The following FAM184B variants were observed in gnomAD, a reference collection of about 807,000 sequenced individuals.
FAM184B encodes the protein family with sequence similarity 184 member B.
A neutral mutation model predicts 135.9 loss-of-function variants in FAM184B; 111 were observed. That is an observed-to-expected ratio of 0.82 (90% CI 0.70 to 0.96). The LOEUF (loss-of-function observed/expected upper bound fraction) is 0.96. FAM184B is among the 40% of genes least tolerant of loss of function. The probability of loss-of-function intolerance (pLI) is 0.00; values close to 1 mark genes in which losing one functional copy is unlikely to be tolerated. For synonymous variants in FAM184B, 552 were observed against 524.8 expected (o/e 1.05, Z -0.71); for missense variants, 1,375 against 1,323.9 (o/e 1.04, Z -0.60).
chr4:17,781,097 A>T lies in FAM184B; in HGVS notation c.141+62T>A. ...CGGGCCTCCCGGGAGGCGCATCCGCACTGACTCCCGGCTCGGGCGCCCCGG... is the reference window on the plus strand; with the variant it reads ...CGGGCCTCCCGGGAGGCGCATCCGCTCTGACTCCCGGCTCGGGCGCCCCGG... On this transcript the variant is annotated intron_variant, in intron 1 of 17. Transcript: ENST00000265018. The surrounding 1 kb of genome is among the most constrained non-coding windows in gnomAD (Gnocchi z 6.5). 1 of 1,474,012 alleles carries T rather than the reference A, an allele frequency of 6.8e-7. No homozygotes were observed. The highest frequency in any genetic ancestry group is 9.0e-7 in the Non-Finnish European group (1 of 1,108,596). 91.3% of individuals were successfully genotyped at this position (1,474,012 alleles called of 1,614,324 possible).
intron 1 of FAM184B, among the ~76,000 whole-genome samples, chr4:17,726,927 T>C (rs1338961361): frequency 6.6e-6 from 1 of 152,168 alleles, no homozygotes; most frequent in East Asian, 1.9e-4. Flanking sequence ...TGGGATAGAA[T>C]ATTCTGATTG....
intron 1 of FAM184B, among the ~76,000 whole-genome samples, chr4:17,747,803 C>T (rs1470414767): frequency 1.3e-5 from 2 of 151,526 alleles, no homozygotes; most frequent in Non-Finnish European, 2.9e-5. Flanking sequence ...CGCCTGTAGT[C>T]CCAGCTACTC....
At position 17,709,362 on chromosome 4, in the gene FAM184B, C is replaced by G; in HGVS notation, c.424G>C (p.Glu142Gln). 1 of 1,545,616 alleles carries G rather than the reference C, an allele frequency of 6.5e-7. No individual in the cohort carries two copies. Among genetic ancestry groups the G allele is most frequent in the Non-Finnish European group, 8.7e-7 (1 of 1,143,044 alleles). Residue 142 changes from glutamate to glutamine, a missense_variant, in exon 2 of 18, where the codon GAG becomes CAG. Transcript: ENST00000265018. ...RELRVEAEHA[E>Q]RVLTLSREML... Reference sequence around the variant, plus strand: ...TCCCTGGAGAGCGTGAGGACTCGCTCGGCGTGCTCTGCCTCCACCCTCAGC... The same window carrying G: ...TCCCTGGAGAGCGTGAGGACTCGCTGGGCGTGCTCTGCCTCCACCCTCAGC...
In FAM184B at chr4:17,707,895, C is replaced by T; in HGVS notation, c.895-111G>A. 4.0e-6 allele frequency: 5 copies of T among 1,261,166 alleles called. No individual in the cohort carries two copies. In the South Asian group the frequency reaches 7.7e-5, roughly 19 times the overall value. The allele number at this position is 1,261,166 out of a possible 1,614,324, so 78.1% of individuals were successfully genotyped here. On this transcript the variant is annotated intron_variant, in intron 2 of 17. Transcript: ENST00000265018. ...AAGGCGGGTATATGCACAGCAGAAGCCCTGAGTCAGTGGAATTCAGTGGCC... is the reference window on the plus strand; with the variant it reads ...AAGGCGGGTATATGCACAGCAGAAGTCCTGAGTCAGTGGAATTCAGTGGCC...
Position 17,642,207 on chromosome 4 carries a change from C to T in FAM184B, c.2368G>A (p.Ala790Thr), listed in dbSNP as rs1413846447. ...ATEERGGPGQ[A>T]GSPPGAAGQG... The stretch of plus-strand genomic sequence containing the variant: ...CCAGCAGCGCCCGGTGGGGAGCCGG[C>T]CTGGCCCGGGCCGCCCCGCTCCTGA... Residue 790 changes from alanine (A) to threonine (T), a missense_variant, in exon 13 of 18, where the codon GCC becomes ACC. Ala to Thr is a moderately conservative substitution (Grantham distance 58). Transcript: ENST00000265018. The T allele has an allele frequency of 2.0e-6, 3 of 1,514,620 alleles. No homozygotes were observed. Among genetic ancestry groups the T allele is most frequent in the Non-Finnish European group, 2.6e-6 (3 of 1,138,772 alleles). 93.8% of individuals were successfully genotyped at this position (1,514,620 alleles called of 1,614,324 possible). A position where few individuals can be genotyped will look rare whatever the true frequency, so the allele number is the denominator to read the frequency against.
At chr4:17,692,326 T>G (rs1028499078) in intron 6 of FAM184B, among the ~76,000 whole-genome samples, 1 of 152,134 alleles carries the variant, frequency 6.6e-6, no homozygotes, top group Admixed American at 6.5e-5. Flanking sequence ...GAAGCCTCTA[T>G]CCCAGAACTT....
intron 1 of FAM184B, among the ~76,000 whole-genome samples, chr4:17,773,156 C>T (rs1202901017): frequency 1.3e-5 from 2 of 152,340 alleles, no homozygotes; most frequent in Non-Finnish European, 2.9e-5. Context: ...AATACTGACA[C>T]CCTCCCGGGT....
At chr4:17,691,925 C>A (rs1387012729) in intron 6 of FAM184B, among the ~76,000 whole-genome samples, 5 of 151,808 alleles carry the variant, frequency 3.3e-5, no homozygotes, top group Non-Finnish European at 5.9e-5. Flanking sequence ...TGGTGGCAGG[C>A]ACCTGTAATC....
intron 1 of FAM184B, among the ~76,000 whole-genome samples, chr4:17,738,679 T>A (rs948086661): frequency 1.3e-5 from 2 of 152,146 alleles, no homozygotes; most frequent in Non-Finnish European, 2.9e-5. Flanking sequence ...TCCTGTGCTA[T>A]AGTTTGGATG....
At chr4:17,643,710 C>A (rs1254209207) in intron 12 of FAM184B, among the ~76,000 whole-genome samples, 3 of 152,226 alleles carry the variant, frequency 2.0e-5, no homozygotes, top group Non-Finnish European at 2.9e-5. Context: ...CCTTCCTATG[C>A]TCAGCAACAG....
At chr4:17,667,050 C>T (rs373000840) in intron 7 of FAM184B, among the ~76,000 whole-genome samples, 13 of 152,048 alleles carry the variant, frequency 8.5e-5, no homozygotes, top group African/African-American at 2.2e-4. Flanking sequence ...CCTCGACTTC[C>T]GAGGCTCAAG....
intron 12 of FAM184B, among the ~76,000 whole-genome samples, chr4:17,644,288 A>C (rs1398526976): frequency 1.3e-5 from 2 of 152,124 alleles, no homozygotes; most frequent in Admixed American, 1.3e-4. Context: ...ACAAAAAAAG[A>C]GAACTTTAGA....
At chr4:17,703,600 T>C (rs963230908) in intron 5 of FAM184B, among the ~76,000 whole-genome samples, 1 of 152,092 alleles carries the variant, frequency 6.6e-6, no homozygotes, top group African/African-American at 2.4e-5. Flanking sequence ...ATATTTAATT[T>C]ACATAATAAG....
chr4:17,661,093 C>T (rs546663971), intron 8 of FAM184B, among the ~76,000 whole-genome samples: 15 of 152,328 alleles, frequency 9.8e-5, no homozygotes, highest in African/African-American at 3.6e-4. Context: ...TCCAGCTCTA[C>T]AACCCACTCA....
intron 1 of FAM184B, among the ~76,000 whole-genome samples, chr4:17,725,415 C>T (rs1195702794): frequency 6.6e-6 from 1 of 152,174 alleles, no homozygotes; most frequent in African/African-American, 2.4e-5. Context: ...TGCTATTTTT[C>T]TCATCCCAGA....
chr4:17,730,065 C>CTT (rs1291197668), intron 1 of FAM184B, among the ~76,000 whole-genome samples: 1 of 152,020 alleles, frequency 6.6e-6, no homozygotes, highest in Non-Finnish European at 1.5e-5. Context: ...CAGAGAAGTC[C>CTT]TTAAAGGAGC....
At chr4:17,658,301 C>T (rs183339493) in intron 10 of FAM184B, 49 bp downstream of exon 10, 7 of 1,517,638 alleles carry the variant, frequency 4.6e-6, no homozygotes, top group Non-Finnish European at 6.3e-6. Flanking sequence ...TGGCAGTTCT[C>T]ACCTAGCAGG....
At chr4:17,666,045 C>G (rs1271966623) in intron 7 of FAM184B, among the ~76,000 whole-genome samples, 1 of 152,132 alleles carries the variant, frequency 6.6e-6, no homozygotes, top group Non-Finnish European at 1.5e-5. Context: ...ACTGGCTGTT[C>G]CCTCTTCCCT....
chr4:17,669,006 A>G (rs1269163278), intron 7 of FAM184B, among the ~76,000 whole-genome samples: 1 of 152,230 alleles, frequency 6.6e-6, no homozygotes, highest in Non-Finnish European at 1.5e-5. Flanking sequence ...GTAATCCCAG[A>G]TATAGTTTTT....
Sources: allele counts gnomAD v4.1 joint callset (sites outside exome capture counted in the v4.1 genomes callset), GRCh38; gene constraint gnomAD v4.1.1; non-coding constraint Gnocchi (gnomAD v3.1); transcripts MANE v1.5; gene names NCBI Gene and HGNC (gene_info 2026-07-23, HGNC 2026-07-21).